FLNB: variants seen among roughly 807,000 people sequenced by gnomAD.
FLNB encodes the protein filamin-B.
In FLNB, 111 loss-of-function variants were observed where a neutral mutation model predicts 250.6. The observed-to-expected ratio is 0.44, with a 90% confidence interval of 0.38 to 0.52. The LOEUF is 0.52. FLNB is among the 20% of genes least tolerant of loss of function. The probability of loss-of-function intolerance (pLI) is 0.00; values close to 1 mark genes in which losing one functional copy is unlikely to be tolerated. For missense variants in FLNB, 2,869 were observed against 3,447.8 expected, an observed-to-expected ratio of 0.83 and a Z score of 4.20; for synonymous variants, 1,302 against 1,372.1, an observed-to-expected ratio of 0.95 and a Z score of 1.13.
Position 58,136,150 on chromosome 3 carries a change from A to T in FLNB, c.4843A>T (p.Ser1615Cys). ...RIRATQTGDA[S>C]KCLATGPGIA... is the part of the protein sequence containing the mutation. Reference sequence around the variant, plus strand: ...CCGAGCCACACAGACGGGTGATGCCAGCAAGTGCCTGGCCACGGGTGAGTA... The same window carrying T: ...CCGAGCCACACAGACGGGTGATGCCTGCAAGTGCCTGGCCACGGGTGAGTA... Residue 1615 changes from serine (S) to cysteine (C), a missense_variant, in exon 28 of 46, where the codon AGC (serine) becomes TGC (cysteine). Coordinates refer to ENST00000295956, the MANE Select transcript of FLNB (RefSeq NM_001457.4). The T allele has an allele frequency of 6.2e-7, 1 of 1,614,208 alleles. No homozygotes were observed. The highest frequency in any genetic ancestry group is 8.5e-7 in the Non-Finnish European group (1 of 1,180,042).
At chr3:58,107,513 C>A (rs2097261608) in intron 12 of FLNB, among the ~76,000 whole-genome samples, 1 of 152,206 alleles carries the variant, frequency 6.6e-6, no homozygotes, top group Non-Finnish European at 1.5e-5. Flanking sequence ...TTGGCTTATG[C>A]CTGGCCCATG....
At chr3:58,133,085 CTCCATCAG>C (rs1017973785) in intron 26 of FLNB, among the ~76,000 whole-genome samples, 154 bp downstream of exon 26, 2 of 151,770 alleles carry the variant, frequency 1.3e-5, no homozygotes, top group African/African-American at 4.8e-5. Flanking sequence ...CCATCCATTC[CTCCATCAG>C]TCCATCCATC....
intron 1 of FLNB, among the ~76,000 whole-genome samples, chr3:58,024,530 T>C (rs968990876): frequency 1.2e-4 from 18 of 151,804 alleles, no homozygotes; most frequent in African/African-American, 4.4e-4. Context: ...AATCTAATTA[T>C]CTAGGAAGGT....
At chr3:58,113,035 G>A (rs115311767) in intron 18 of FLNB, among the ~76,000 whole-genome samples, 2,740 of 152,070 alleles carry the variant, frequency 0.018, 45 homozygotes, top group Non-Finnish European at 0.026. Context: ...TTTGTATCGT[G>A]GTAAAATACA....
chr3:58,088,027 C>T (rs536853518), intron 4 of FLNB, among the ~76,000 whole-genome samples: 10 of 146,184 alleles, frequency 6.8e-5, no homozygotes, highest in African/African-American at 2.3e-4. Flanking sequence ...GTGTGAACCA[C>T]GGCGCCCAGC....
intron 41 of FLNB, 27 bp downstream of exon 41, chr3:58,156,102 C>G: frequency 6.4e-7 from 1 of 1,573,358 alleles, no homozygotes; most frequent in East Asian, 2.2e-5. Flanking sequence ...CATCCATCTC[C>G]TTGGCCGCAG....
rs1260817076 is a variant in FLNB, at chr3:58,008,715, A to C, written c.151A>C (p.Ile51Leu). ...QTDLSDGLRL[I>L]ALLEVLSQKR... ...CGACCTGAGCGACGGGCTGCGGCTC[A>C]TCGCGCTGCTCGAGGTGCTCAGCCA... The change falls in exon 1 of 46, where the codon ATC becomes CTC. Residue 51 changes from isoleucine (I) to leucine (L), a missense_variant. Physicochemically the swap from Ile to Leu is conservative, Grantham distance 5. Around this residue, in one of 5 missense-constraint regions of FLNB, gnomAD observed 308 missense variants for 466.1 expected, o/e 0.66. Transcript: ENST00000295956. The C allele has an allele frequency of 6.2e-7, 1 of 1,614,056 alleles. No individual in the cohort carries two copies. Among genetic ancestry groups the C allele is most frequent in the African/African-American group, 1.3e-5 (1 of 74,958 alleles).
chr3:58,033,380 C>T (rs1198511308), intron 1 of FLNB, among the ~76,000 whole-genome samples: 2 of 138,426 alleles, frequency 1.4e-5, no homozygotes, highest in African/African-American at 2.8e-5. Context: ...TAAATGGAAT[C>T]ATATAGTATG....
At chr3:58,019,405 G>T (rs777432816) in intron 1 of FLNB, among the ~76,000 whole-genome samples, 6 of 152,158 alleles carry the variant, frequency 3.9e-5, no homozygotes, top group Non-Finnish European at 7.3e-5. Context: ...CTTTCAGGCA[G>T]CTGTCTTCAC....
intron 39 of FLNB, among the ~76,000 whole-genome samples, chr3:58,154,216 T>C (rs2097349787): frequency 6.6e-6 from 1 of 152,150 alleles, no homozygotes. Flanking sequence ...AGTGCTGGGA[T>C]TATAGGCATG....
At chr3:58,031,543 C>CTT (rs764190111) in intron 1 of FLNB, among the ~76,000 whole-genome samples, 9,616 of 77,066 alleles carry the variant, frequency 0.12, 1,442 homozygotes, top group East Asian at 0.45. Context: ...CGTGCCCTGC[C>CTT]TTTTTTTTTT....
At chr3:58,168,320 C>T (rs2097374461) in intron 43 of FLNB, 120 bp from the exon 44 acceptor site, 3 of 803,378 alleles carry the variant, frequency 3.7e-6, no homozygotes, top group Middle Eastern at 6.0e-4. Context: ...CAGTGGGTTC[C>T]CATGCCACCA....
chr3:58,090,424 C>T (rs1037741061), intron 4 of FLNB, among the ~76,000 whole-genome samples: 3 of 152,190 alleles, frequency 2.0e-5, no homozygotes, highest in Non-Finnish European at 4.4e-5. Flanking sequence ...ATATTAAATA[C>T]ATAAACCAGT....
chr3:58,059,519 G>A (rs2097174994), intron 1 of FLNB, among the ~76,000 whole-genome samples: 1 of 152,206 alleles, frequency 6.6e-6, no homozygotes, highest in South Asian at 2.1e-4. Flanking sequence ...GGTGCAGACT[G>A]TTTAGATGAG....
At position 58,130,825 on chromosome 3, in the gene FLNB, G is replaced by A. The variant is rs140018418; in HGVS notation, c.4307G>A (p.Arg1436Gln). 191 of 1,613,696 alleles carry A rather than the reference G, an allele frequency of 1.2e-4. No homozygotes were observed. The African/African-American group carries it at 2.3e-3, about 20-fold the overall frequency. The change falls in exon 25 of 46, where the codon CGA becomes CAA. Residue 1436 changes from arginine to glutamine, a missense_variant. By Grantham distance (43) the Arg-to-Gln change is conservative. This residue lies in a region of FLNB where 1,348 missense variants were observed against 1,466.7 expected (regional missense o/e 0.92). Transcript: ENST00000295956. Reference sequence around the variant, plus strand: ...GGCCCCGGGCTGGGCTCAGGCGTCCGAGCCCGTGTCCTGCAGTCCTTCACG... The same window carrying A: ...GGCCCCGGGCTGGGCTCAGGCGTCCAAGCCCGTGTCCTGCAGTCCTTCACG... ...IAGPGLGSGV[R>Q]ARVLQSFTVD... is the part of the protein sequence containing the mutation.
intron 1 of FLNB, among the ~76,000 whole-genome samples, chr3:58,045,962 G>A (rs765469739): frequency 8.0e-6 from 1 of 125,002 alleles, no homozygotes; most frequent in Non-Finnish European, 1.5e-5. Flanking sequence ...TCATACCACT[G>A]CACTACAGCC....
At chr3:58,084,975 AG>A (rs2097215195) in intron 4 of FLNB, among the ~76,000 whole-genome samples, 1 of 152,142 alleles carries the variant, frequency 6.6e-6, no homozygotes, top group South Asian at 2.1e-4. Context: ...ATATGTTTTC[AG>A]GGTTCACCAT....
chr3:58,160,139 A>C (rs1389332170), intron 42 of FLNB, among the ~76,000 whole-genome samples: 1 of 152,214 alleles, frequency 6.6e-6, no homozygotes, highest in Non-Finnish European at 1.5e-5. Context: ...CATGACATTC[A>C]TCATAATTTT....
intron 1 of FLNB, among the ~76,000 whole-genome samples, chr3:58,033,078 C>G (rs903395476): frequency 1.3e-5 from 2 of 152,078 alleles, no homozygotes; most frequent in Non-Finnish European, 2.9e-5. Flanking sequence ...GTCTCAATCT[C>G]CCCACCCCTG....
Sources: allele counts gnomAD v4.1 joint callset (sites outside exome capture counted in the v4.1 genomes callset), GRCh38; gene constraint gnomAD v4.1.1; regional missense constraint gnomAD v4.1.1; transcripts MANE v1.5; gene names NCBI Gene and HGNC (gene_info 2026-07-23, HGNC 2026-07-21).